The following LRRTM4 variants were observed in gnomAD, a reference collection of about 807,000 sequenced individuals.
LRRTM4 encodes leucine-rich repeat transmembrane neuronal protein 4.
Under a neutral mutation model 47.6 loss-of-function variants are expected in LRRTM4, and 25 were observed. That is an observed-to-expected ratio of 0.53 (90% CI 0.38 to 0.73). The LOEUF is 0.73. Among genes scored for constraint, LRRTM4 ranks in the 30% least tolerant of loss-of-function variants. The pLI is 0.00. For missense variants in LRRTM4, 638 were observed against 713.4 expected, an observed-to-expected ratio of 0.89 and a Z score of 1.20; for synonymous variants, 311 against 269.5, an observed-to-expected ratio of 1.15 and a Z score of -1.51.
intron 3 of LRRTM4, among the ~76,000 whole-genome samples, chr2:77,031,742 CGTGT>C (rs762906482): frequency 4.0e-5 from 6 of 151,812 alleles, no homozygotes; most frequent in Non-Finnish European, 7.4e-5. Context: ...TTTGTGTGTG[CGTGT>C]GTGTGACAGA....
intron 3 of LRRTM4, among the ~76,000 whole-genome samples, chr2:77,505,411 GCA>G (rs1461134384): frequency 2.6e-5 from 4 of 151,278 alleles, no homozygotes; most frequent in African/African-American, 4.8e-5. Flanking sequence ...TTTAAAAATA[GCA>G]CAGAGTCCAG....
chr2:77,409,705 C>G (rs1167093219), intron 3 of LRRTM4, among the ~76,000 whole-genome samples: 2 of 152,168 alleles, frequency 1.3e-5, no homozygotes, highest in African/African-American at 2.4e-5. Flanking sequence ...ATGACATTCA[C>G]TTACCAAGGT....
intron 3 of LRRTM4, among the ~76,000 whole-genome samples, chr2:77,367,103 G>C (rs1347083406): frequency 6.6e-6 from 1 of 151,358 alleles, no homozygotes; most frequent in Non-Finnish European, 1.5e-5. Flanking sequence ...ATCACCATTA[G>C]AGCCTGAATG....
At chr2:77,207,372 T>TATATATATACACAC (rs59335400) in intron 3 of LRRTM4, among the ~76,000 whole-genome samples, 65 of 131,080 alleles carry the variant, frequency 5.0e-4, no homozygotes, top group African/African-American at 2.0e-3. Context: ...TATATATATA[T>TATATATATACACAC]ACACACACAC....
intron 3 of LRRTM4, among the ~76,000 whole-genome samples, chr2:76,963,350 T>C (rs1675923578): frequency 6.6e-6 from 1 of 150,826 alleles, no homozygotes; most frequent in South Asian, 2.1e-4. Flanking sequence ...TTATCATTGC[T>C]CTGGAACTAT....
At chr2:76,973,532 T>A (rs2103946422) in intron 3 of LRRTM4, among the ~76,000 whole-genome samples, 1 of 152,050 alleles carries the variant, frequency 6.6e-6, no homozygotes, top group South Asian at 2.1e-4. Flanking sequence ...GAACTCTTCT[T>A]CAGTATTTGG....
intron 3 of LRRTM4, among the ~76,000 whole-genome samples, chr2:77,332,042 A>G (rs1670990511): frequency 6.6e-6 from 1 of 152,316 alleles, no homozygotes; most frequent in East Asian, 1.9e-4. Flanking sequence ...CATAAATAAT[A>G]GAGATGCAAA....
intron 3 of LRRTM4, among the ~76,000 whole-genome samples, chr2:76,767,236 T>TAA (rs1558639222): frequency 6.6e-6 from 1 of 152,250 alleles, no homozygotes; most frequent in Non-Finnish European, 1.5e-5. Context: ...GCAATTTATA[T>TAA]GGACGTTTAA....
At chr2:77,446,723 C>T (rs905974404) in intron 3 of LRRTM4, among the ~76,000 whole-genome samples, 17 of 151,998 alleles carry the variant, frequency 1.1e-4, no homozygotes, top group Non-Finnish European at 8.8e-5. Context: ...AATATGGATA[C>T]TGTAAAATCA....
At chr2:76,804,694 T>G (rs1675876601) in intron 3 of LRRTM4, among the ~76,000 whole-genome samples, 1 of 148,236 alleles carries the variant, frequency 6.7e-6, no homozygotes, top group East Asian at 1.9e-4. Context: ...TACATATATT[T>G]GATATACATT....
chr2:77,344,373 A>G (rs1452634232), intron 3 of LRRTM4, among the ~76,000 whole-genome samples: 1 of 152,014 alleles, frequency 6.6e-6, no homozygotes, highest in East Asian at 1.9e-4. Flanking sequence ...AGCAGAAAAT[A>G]TAAAGAATAG....
chr2:77,108,688 A>G (rs1476125840), intron 3 of LRRTM4, among the ~76,000 whole-genome samples: 1 of 148,908 alleles, frequency 6.7e-6, no homozygotes, highest in Non-Finnish European at 1.5e-5. Flanking sequence ...GGTTCACGCC[A>G]TTCTCCTGCC....
intron 3 of LRRTM4, among the ~76,000 whole-genome samples, chr2:76,927,847 T>G (rs1489942612): frequency 1.3e-5 from 2 of 152,130 alleles, no homozygotes; most frequent in Non-Finnish European, 2.9e-5. Context: ...GTTAAGCAGG[T>G]AAAAAGAGGT....
intron 3 of LRRTM4, among the ~76,000 whole-genome samples, chr2:77,164,389 TAGAC>T (rs1246462374): frequency 6.6e-6 from 1 of 152,060 alleles, no homozygotes; most frequent in Non-Finnish European, 1.5e-5. Flanking sequence ...CTGTCAACAT[TAGAC>T]AGATCAACAG....
chr2:77,161,441 C>T (rs1672725227), intron 3 of LRRTM4, among the ~76,000 whole-genome samples: 1 of 152,178 alleles, frequency 6.6e-6, no homozygotes, highest in African/African-American at 2.4e-5. Context: ...ATCTCCCATC[C>T]TCCTGGTTCG....
intron 3 of LRRTM4, among the ~76,000 whole-genome samples, chr2:77,335,096 C>T (rs1347798374): frequency 6.6e-6 from 1 of 152,076 alleles, no homozygotes; most frequent in Non-Finnish European, 1.5e-5. Context: ...TTACCTTTTG[C>T]AACTAGCTTA....
chr2:76,927,656 A>C (rs553836883), intron 3 of LRRTM4, among the ~76,000 whole-genome samples: 91 of 152,278 alleles, frequency 6.0e-4, no homozygotes, highest in African/African-American at 2.0e-3. Context: ...TTAACAAACT[A>C]AGAGGTAGCA....
At chr2:76,791,276 C>A (rs751884906) in intron 3 of LRRTM4, among the ~76,000 whole-genome samples, 1 of 152,198 alleles carries the variant, frequency 6.6e-6, no homozygotes, top group Non-Finnish European at 1.5e-5. Flanking sequence ...ACCTTACCAT[C>A]CTCTACTGAG....
At chr2:77,049,719 A>C (rs1679364788) in intron 3 of LRRTM4, among the ~76,000 whole-genome samples, 1 of 151,618 alleles carries the variant, frequency 6.6e-6, no homozygotes, top group South Asian at 2.1e-4. Flanking sequence ...GTATGCAAAT[A>C]ATTTCTCTCA....
Sources: allele counts gnomAD v4.1 joint callset (sites outside exome capture counted in the v4.1 genomes callset), GRCh38; gene constraint gnomAD v4.1.1; transcripts MANE v1.5; gene names NCBI Gene and HGNC (gene_info 2026-07-23, HGNC 2026-07-21).